The following MAPK6 variants were observed in gnomAD, a reference collection of about 807,000 sequenced individuals.
MAPK6 encodes mitogen-activated protein kinase 6.
In MAPK6, 19 loss-of-function variants were observed where a neutral mutation model predicts 59.3. The ratio of observed to expected loss-of-function variants is 0.32; its 90% CI spans 0.22 to 0.47. The LOEUF is 0.47. Among genes scored for constraint, MAPK6 ranks in the 20% least tolerant of loss-of-function variants. MAPK6 has a pLI of 1.00. For synonymous variants in MAPK6, 316 were observed against 290.3 expected, an observed-to-expected ratio of 1.09 and a Z score of -0.90; for missense variants, 724 against 847.9, an observed-to-expected ratio of 0.85 and a Z score of 1.81.
In MAPK6 at chr15:51,984,829, T is replaced by C. The variant is rs923452951; in HGVS notation, c.-770+1514T>C. On this transcript the variant is annotated intron_variant, in intron 2 of 7. Transcript: ENST00000691380. ...TACACAATCAGCTTAAATGGGCTAG[T>C]GCAGGCAGGATGCAGCACAGCTCTA... Among the ~76,000 whole-genome samples the C allele has an allele frequency of 4.6e-5, 7 of 152,170 alleles. 1 individual carries two copies. The highest frequency in any genetic ancestry group is 1.7e-4 in the African/African-American group (7 of 41,444).
At chr15:52,053,043 T>C (rs1051370709) in intron 3 of MAPK6, among the ~76,000 whole-genome samples, 1 of 151,554 alleles carries the variant, frequency 6.6e-6, no homozygotes, top group Non-Finnish European at 1.5e-5. Context: ...AGCCATCCTA[T>C]CGGGTATGAA....
At chr15:52,049,865 G>C in intron 2 of MAPK6, 128 bp from the exon 3 acceptor site, 1 of 804,194 alleles carries the variant, frequency 1.2e-6, no homozygotes, top group Non-Finnish European at 2.0e-6. Flanking sequence ...CGCCCACCTT[G>C]GTTTCCCAAA....
chr15:52,059,931 T>G (rs2032133527), intron 4 of MAPK6, among the ~76,000 whole-genome samples: 1 of 152,188 alleles, frequency 6.6e-6, no homozygotes, highest in African/African-American at 2.4e-5. Flanking sequence ...GAATACATGT[T>G]CTCACCCCAC....
At chr15:52,053,529 C>T (rs1328322210) in intron 3 of MAPK6, among the ~76,000 whole-genome samples, 3 of 152,046 alleles carry the variant, frequency 2.0e-5, no homozygotes, top group Non-Finnish European at 4.4e-5. Flanking sequence ...TTGTGATTTA[C>T]ATGTATTTTC....
At chr15:52,001,475 G>C (rs1361452837) in intron 2 of MAPK6, among the ~76,000 whole-genome samples, 2 of 150,944 alleles carry the variant, frequency 1.3e-5, no homozygotes, top group Non-Finnish European at 2.9e-5. Flanking sequence ...TTCAAAACTG[G>C]GAATTGAATG....
rs778369552 is a variant in MAPK6 at position 52,061,393 on chromosome 15, T to G, written c.960T>G (p.Ser320=). Residue 320 remains serine (S), a synonymous_variant, in exon 5 of 6, where the codon TCT becomes TCG. Transcript: ENST00000261845. ...CCCATCCTTACATGAGCATATATTCTTTTCCAATGGATGAGCCAATTTCAA... is the reference window on the plus strand; with the variant it reads ...CCCATCCTTACATGAGCATATATTCGTTTCCAATGGATGAGCCAATTTCAA... ...ALSHPYMSIY[S]FPMDEPISSH... 10 of 1,613,866 alleles carry G rather than the reference T, an allele frequency of 6.2e-6. No individual in the cohort carries two copies. Among genetic ancestry groups the G allele is most frequent in the Middle Eastern group, 1.6e-4 (1 of 6,084 alleles).
chr15:51,977,664 G>A (rs1040572246), intron 1 of MAPK6, among the ~76,000 whole-genome samples: 7 of 151,744 alleles, frequency 4.6e-5, no homozygotes, highest in Non-Finnish European at 1.0e-4. Context: ...GGCCTCCTGA[G>A]TAGCCGGGAT....
intron 1 of MAPK6, among the ~76,000 whole-genome samples, chr15:52,040,562 A>C (rs917088328): frequency 2.0e-5 from 3 of 152,240 alleles, no homozygotes; most frequent in Admixed American, 1.3e-4. Context: ...TGACATAAGT[A>C]GGCCAAGTTG....
intron 1 of MAPK6, among the ~76,000 whole-genome samples, chr15:52,029,540 A>C (rs1204220586): frequency 6.6e-6 from 1 of 152,096 alleles, no homozygotes; most frequent in Non-Finnish European, 1.5e-5. Flanking sequence ...ATATTATCCA[A>C]CTGCCTTGCT....
chr15:51,974,728 C>A (rs560021109), intron 1 of MAPK6, among the ~76,000 whole-genome samples: 8 of 150,230 alleles, frequency 5.3e-5, no homozygotes, highest in Non-Finnish European at 1.2e-4. Flanking sequence ...TCTTTTTTCC[C>A]CCCCCGCAAG....
At chr15:52,038,216 TGGTAAG>T (rs1271111915) in intron 1 of MAPK6, among the ~76,000 whole-genome samples, 2 of 151,508 alleles carry the variant, frequency 1.3e-5, no homozygotes, top group African/African-American at 4.9e-5. Flanking sequence ...GCCTGGCACA[TGGTAAG>T]CATTCAGTAA....
At chr15:52,047,091 T>G in intron 2 of MAPK6, 76 bp downstream of exon 2, 2 of 1,099,588 alleles carry the variant, frequency 1.8e-6, no homozygotes, top group Non-Finnish European at 2.5e-6. Flanking sequence ...ATATTTTCTT[T>G]GTATATTGTG....
Position 52,046,805 on chromosome 15 carries a change from G to A in MAPK6, c.345G>A (p.Leu115=), listed in dbSNP as rs1444488677. 2.5e-6 allele frequency: 4 copies of A among 1,613,874 alleles called. No homozygotes were observed. The change falls in exon 2 of 6, where the codon TTG becomes TTA. Residue 115 remains leucine (L), a synonymous_variant. Transcript: ENST00000261845. ...TTCAGGAGTACATGGAGACAGACTT[G>A]GCTAATGTGCTGGAGCAGGGCCCTT... The part of the protein sequence containing the change: ...YIVQEYMETD[L]ANVLEQGPLL...
chr15:52,054,204 C>A (rs866934486), intron 3 of MAPK6, among the ~76,000 whole-genome samples: 1 of 151,648 alleles, frequency 6.6e-6, no homozygotes, highest in African/African-American at 2.4e-5. Context: ...CCTGTCTCTA[C>A]TAAAAATACA....
At chr15:52,019,147 G>C (rs993091985), upstream of MAPK6, 1 of 152,232 alleles carries the variant, frequency 6.6e-6, no homozygotes, top group African/African-American at 2.4e-5. Flanking sequence ...CGCTGGGCAG[G>C]GCGGGGGCGG....
rs764749933 is a variant in MAPK6 at position 51,979,255 on chromosome 15, GAGAA to G, written c.-879-3940_-879-3937del. On this transcript the variant is annotated intron_variant, in intron 1 of 7. Coordinates refer to the MAPK6 transcript ENST00000691380. ...AAAAGGAAGGAAGGAAGGAAAGAAA[GAGAA>G]AGAAAGAAAGGGAGAAGGAAGAACA... Among the ~76,000 whole-genome samples, 67 of 151,174 alleles carry G rather than the reference GAGAA, an allele frequency of 4.4e-4. 2 individuals are homozygous for G. The highest frequency in any genetic ancestry group is 1.3e-3 in the African/African-American group (53 of 41,350).
chr15:52,029,336 G>C (rs1048639505), intron 1 of MAPK6, among the ~76,000 whole-genome samples: 1 of 152,072 alleles, frequency 6.6e-6, no homozygotes, highest in East Asian at 1.9e-4. Context: ...TATTAAACAG[G>C]CTTCTCTCCT....
At chr15:52,008,007 C>T (rs1360215553) in intron 3 of MAPK6, among the ~76,000 whole-genome samples, 10 of 151,966 alleles carry the variant, frequency 6.6e-5, no homozygotes, top group African/African-American at 2.2e-4. Context: ...CCACCACGCC[C>T]GGCTAATTTT....
chr15:52,022,984 GT>G (rs1350519034), intron 1 of MAPK6, among the ~76,000 whole-genome samples: 3 of 151,624 alleles, frequency 2.0e-5, no homozygotes, highest in Admixed American at 2.0e-4. Flanking sequence ...GCACGTGCCT[GT>G]AATCCCAGCT....
Sources: gnomAD v4.1 joint callset for allele counts (sites outside exome capture counted in the v4.1 genomes callset) on GRCh38, gnomAD v4.1.1 for gene constraint, MANE v1.5 for transcripts, NCBI Gene and HGNC (gene_info 2026-07-23, HGNC 2026-07-21) for gene names.